The following NDUFA2 variants were observed in gnomAD, a reference collection of about 807,000 sequenced individuals.
The protein encoded by NDUFA2 is NADH:ubiquinone oxidoreductase subunit A2.
Under a neutral mutation model 11.4 loss-of-function variants are expected in NDUFA2, and 9 were observed. The observed-to-expected ratio is 0.79, with a 90% CI of 0.48 to 1.38. The LOEUF (loss-of-function observed/expected upper bound fraction) is 1.38. Ranked by LOEUF, NDUFA2 falls within the 40% of genes most tolerant of loss-of-function variation. NDUFA2 has a pLI of 0.00. For missense variants in NDUFA2, 150 were observed against 131.2 expected (o/e 1.14, Z -0.70); for synonymous variants, 49 against 54.0 (o/e 0.91, Z 0.41).
At position 140,645,400 on chromosome 5, in the gene NDUFA2, A is replaced by G. The variant is rs756268468; in HGVS notation, c.*187T>C. On this transcript the variant is annotated 3_prime_UTR_variant, in exon 3 of 3. Transcript: ENST00000252102. ...AGACAGAATAAAGTTTTATTTTTAT[A>G]TTAAGCTACTTTGCCTCAGTGGTTG... 9.7e-6 allele frequency: 8 copies of G among 822,714 alleles called. No homozygotes were observed. The Admixed American group carries it at 1.6e-4, about 16-fold the overall frequency. The allele number at this position is 822,714 out of a possible 1,614,324, so 51.0% of individuals were successfully genotyped here. A position where few individuals can be genotyped will look rare whatever the true frequency, so the allele number is the denominator to read the frequency against.
chr5:140,645,703 TTAAC>T (rs963978163), intron 2 of NDUFA2, 25 bp from the exon 3 acceptor site: 3 of 1,614,040 alleles, frequency 1.9e-6, no homozygotes, highest in Admixed American at 1.7e-5. Context: ...GGAGGTGTCT[TTAAC>T]TATTCTGCAC....
At position 140,645,682 on chromosome 5, in the gene NDUFA2, A is replaced by G. The variant is rs1328629131; in HGVS notation, c.209-4T>C. 1.9e-6 allele frequency: 3 copies of G among 1,614,058 alleles called. No homozygotes were observed. Among genetic ancestry groups the G allele is most frequent in the African/African-American group, 1.3e-5 (1 of 74,926 alleles). Reference sequence around the variant, plus strand: ...ACATTCGTCTCTTGGCCAAATGCTGAAGAGAGAGAGGGAGGTGTCTTTAAC... The same window carrying G: ...ACATTCGTCTCTTGGCCAAATGCTGGAGAGAGAGAGGGAGGTGTCTTTAAC... On this transcript the variant is annotated splice_polypyrimidine_tract_variant and splice_region_variant and intron_variant, in intron 2 of 2. Coordinates refer to ENST00000252102, the MANE Select transcript of NDUFA2 (RefSeq NM_002488.5).
At chr5:140,647,430 G>A (rs1156694697) in intron 1 of NDUFA2, 53 bp downstream of exon 1, 2 of 1,609,378 alleles carry the variant, frequency 1.2e-6, no homozygotes, top group Non-Finnish European at 1.7e-6. Flanking sequence ...GGGAGGTCGA[G>A]GTCGTGACCC....
chr5:140,647,201 T>A, intron 2 of NDUFA2, 55 bp downstream of exon 2: 1 of 1,510,538 alleles, frequency 6.6e-7, no homozygotes, highest in Non-Finnish European at 8.9e-7. Context: ...TCCCTTCTCT[T>A]CTCAAACCCT....
In NDUFA2 at chr5:140,645,490, CT is replaced by C. The variant is rs1757342287; in HGVS notation, c.*96del. The C allele has an allele frequency of 6.7e-7, 1 of 1,486,652 alleles. No homozygotes were observed. The allele number at this position is 1,486,652 out of a possible 1,614,324, so 92.1% of individuals were successfully genotyped here. A position where few individuals can be genotyped will look rare whatever the true frequency, so the allele number is the denominator to read the frequency against. On this transcript the variant is annotated 3_prime_UTR_variant, in exon 3 of 3. Transcript: ENST00000252102. ...CTGAGAAAGTATTTTACAGCACAAG[CT>C]TTATGAGGAATAGGAGAACACATTT...
At position 140,647,361 on chromosome 5, in the gene NDUFA2, C is replaced by T. The variant is rs773367252; in HGVS notation, c.103G>A (p.Asp35Asn). The change falls in exon 2 of 3, where the codon GAC becomes AAC. Residue 35 changes from aspartate to asparagine, a missense_variant and splice_region_variant. Coordinates refer to ENST00000252102, the MANE Select transcript of NDUFA2 (RefSeq NM_002488.5). ...QRSPGSQGVR[D>N]FIEKRYVELK... is the part of the protein sequence containing the mutation. ...TCCACGTAGCGTTTCTCAATGAAGTCCCTGCGGGGCCGGAGAGAGCGCCGC... is the reference window on the plus strand; with the variant it reads ...TCCACGTAGCGTTTCTCAATGAAGTTCCTGCGGGGCCGGAGAGAGCGCCGC... The T allele has an allele frequency of 4.0e-5, 65 of 1,610,232 alleles. No homozygotes were observed. The highest frequency in any genetic ancestry group is 4.0e-4 in the Admixed American group (24 of 59,788).
rs1262251172 is a variant in NDUFA2, at chr5:140,647,297, C to A, written c.167G>T (p.Arg56Leu). The part of the protein sequence containing the change: ...KANPDLPILI[R>L]ECSDVQPKLW... ...CTTGGGCTGCACATCGGAGCATTCG[C>A]GGATTAGGATGGGTAGGTCGGGATT... Residue 56 changes from arginine (R) to leucine (L), a missense_variant, in exon 2 of 3, where the codon CGC (arginine) becomes CTC (leucine). Coordinates refer to ENST00000252102, the MANE Select transcript of NDUFA2 (RefSeq NM_002488.5). 6.3e-7 allele frequency: 1 copy of A among 1,576,318 alleles called. No individual in the cohort carries two copies. The highest frequency in any genetic ancestry group is 1.2e-5 in the South Asian group (1 of 85,428).
chr5:140,646,164 C>G (rs907334144), intron 2 of NDUFA2, among the ~76,000 whole-genome samples: 1 of 152,074 alleles, frequency 6.6e-6, no homozygotes, highest in African/African-American at 2.4e-5. Context: ...GTGCCCGCCA[C>G]CACACCCGGC....
In NDUFA2 at chr5:140,647,584, C is replaced by G. The variant is rs747263398; in HGVS notation, c.-1G>C. On this transcript the variant is annotated 5_prime_UTR_variant, in exon 1 of 3. Coordinates refer to ENST00000252102, the MANE Select transcript of NDUFA2 (RefSeq NM_002488.5). ...CTCGACTTGCTGCGGCCGCCGCCATCCTTGTTAATATCGAAGTCGCCAATT... is the reference window on the plus strand; with the variant it reads ...CTCGACTTGCTGCGGCCGCCGCCATGCTTGTTAATATCGAAGTCGCCAATT... 6.2e-7 allele frequency: 1 copy of G among 1,609,794 alleles called. No individual in the cohort carries two copies. The highest frequency in any genetic ancestry group is 1.3e-5 in the African/African-American group (1 of 75,064).
rs1488799700 is a variant in NDUFA2 at position 140,647,575 on chromosome 5, C to T, written c.9G>A (p.Ala3=). 2 of 1,610,376 alleles carry T rather than the reference C, an allele frequency of 1.2e-6. No homozygotes were observed. Among genetic ancestry groups the T allele is most frequent in the Middle Eastern group, 3.3e-4 (2 of 6,062 alleles). The change falls in exon 1 of 3, where the codon GCG becomes GCA. Residue 3 remains alanine (A), a synonymous_variant. Coordinates refer to ENST00000252102, the MANE Select transcript of NDUFA2 (RefSeq NM_002488.5). MA[A]AAASRGVGAK... is the part of the protein sequence containing the mutation. ...CCCCGACTCCTCGACTTGCTGCGGCCGCCGCCATCCTTGTTAATATCGAAG... is the reference window on the plus strand; with the variant it reads ...CCCCGACTCCTCGACTTGCTGCGGCTGCCGCCATCCTTGTTAATATCGAAG...
intron 1 of NDUFA2, 27 bp from the exon 2 acceptor site, chr5:140,647,389 G>A: frequency 1.2e-6 from 2 of 1,611,174 alleles, no homozygotes; most frequent in Non-Finnish European, 1.7e-6. Flanking sequence ...AGCGCCGCGC[G>A]TGCTGTGGGC....
chr5:140,646,933 T>G (rs950955194), intron 2 of NDUFA2: 5 of 263,256 alleles, frequency 1.9e-5, no homozygotes, highest in African/African-American at 6.7e-5. Context: ...ACACACTACC[T>G]GGACTGACAC....
intron 2 of NDUFA2, among the ~76,000 whole-genome samples, chr5:140,646,668 G>A (rs1441739816): frequency 1.3e-5 from 2 of 152,244 alleles, no homozygotes; most frequent in South Asian, 2.1e-4. Context: ...ACATTGCCAT[G>A]CCAGTCTTAG....
intron 2 of NDUFA2, among the ~76,000 whole-genome samples, chr5:140,645,957 G>A (rs192053300): frequency 1.1e-3 from 161 of 151,930 alleles, no homozygotes; most frequent in Admixed American, 2.2e-3. Flanking sequence ...TATTAACTAC[G>A]GTGAGCAATG....
In NDUFA2 at chr5:140,645,482, A is replaced by G. The variant is rs1757341578; in HGVS notation, c.*105T>C. The G allele has an allele frequency of 6.9e-7, 1 of 1,444,942 alleles. No individual in the cohort carries two copies. The highest frequency in any genetic ancestry group is 2.3e-5 in the East Asian group (1 of 43,748). The allele number at this position is 1,444,942 out of a possible 1,614,324, so 89.5% of individuals were successfully genotyped here. On this transcript the variant is annotated 3_prime_UTR_variant, in exon 3 of 3. Transcript: ENST00000252102. ...AGAACACCCTGAGAAAGTATTTTAC[A>G]GCACAAGCTTTATGAGGAATAGGAG...
At position 140,647,484 on chromosome 5, in the gene NDUFA2, T is replaced by G. The variant is rs1314846594; in HGVS notation, c.100A>C (p.Arg34=). ...CCGCCTCACCACGCCGCGCCTCACC[T>G]GACGCCCTGGCTGCCGGGCGAGCGC... ...CQRSPGSQGV[R]DFIEKRYVEL... is the part of the protein sequence containing the mutation. The change falls in exon 1 of 3, where the codon AGG becomes CGG. Residue 34 remains arginine, a splice_region_variant and synonymous_variant. Coordinates refer to ENST00000252102, the MANE Select transcript of NDUFA2 (RefSeq NM_002488.5). 1 of 1,612,108 alleles carries G rather than the reference T, an allele frequency of 6.2e-7. No individual in the cohort carries two copies. The highest frequency in any genetic ancestry group is 2.2e-5 in the East Asian group (1 of 44,886).
chr5:140,647,544 G>C lies in NDUFA2; in HGVS notation c.40C>G (p.Leu14Val), dbSNP rs35672074. 1.1e-3 allele frequency: 1,833 copies of C among 1,611,968 alleles called. 10 individuals are homozygous for C. The highest frequency in any genetic ancestry group is 9.6e-4 in the Non-Finnish European group (1,129 of 1,180,012). The change falls in exon 1 of 3, where the codon CTG (leucine) becomes GTG (valine). Residue 14 changes from leucine (L) to valine (V), a missense_variant. By Grantham distance (32) the Leu-to-Val change is conservative (BLOSUM62 1). Coordinates refer to ENST00000252102, the MANE Select transcript of NDUFA2 (RefSeq NM_002488.5). The part of the protein sequence containing the change: ...AAASRGVGAK[L>V]GLREIRIHLC... ...TGGATGCGAATCTCACGCAGGCCCAGCTTTGCCCCGACTCCTCGACTTGCT... is the reference window on the plus strand; with the variant it reads ...TGGATGCGAATCTCACGCAGGCCCACCTTTGCCCCGACTCCTCGACTTGCT...
chr5:140,645,740 T>C (rs543118757), intron 2 of NDUFA2, 62 bp from the exon 3 acceptor site: 1 of 1,611,534 alleles, frequency 6.2e-7, no homozygotes, highest in African/African-American at 1.3e-5. Context: ...CAAAGTAAAA[T>C]AAAAGATCTT....
At chr5:140,647,387 G>A (rs1581476251) in intron 1 of NDUFA2, 25 bp from the exon 2 acceptor site, 1 of 1,611,080 alleles carries the variant, frequency 6.2e-7, no homozygotes. Context: ...AGAGCGCCGC[G>A]CGTGCTGTGG....
Sources: gnomAD v4.1 joint callset for allele counts (sites outside exome capture counted in the v4.1 genomes callset) on GRCh38, gnomAD v4.1.1 for gene constraint, MANE v1.5 for transcripts, NCBI Gene and HGNC (gene_info 2026-07-23, HGNC 2026-07-21) for gene names.